AKAP11: variants seen among roughly 807,000 people sequenced by gnomAD.
AKAP11 encodes A-kinase anchoring protein 11, also known as A-kinase anchor protein 11.
A neutral mutation model predicts 146.1 loss-of-function variants in AKAP11; 36 were observed. That is an observed-to-expected ratio of 0.25 (90% CI 0.19 to 0.33). The LOEUF (loss-of-function observed/expected upper bound fraction) is 0.33. Ranked by LOEUF, AKAP11 falls within the 10% of genes least tolerant of loss-of-function variation. The pLI is 1.00. For synonymous variants in AKAP11, 780 were observed against 786.5 expected (o/e 0.99, Z 0.14); for missense variants, 2,201 against 2,197.0 (o/e 1.00, Z -0.04).
rs764106505 is a variant in AKAP11, at chr13:42,302,636, A to G, written c.3890A>G (p.Asp1297Gly). ...AGTTGTTATGCTGATGGTGACGAAG[A>G]TTATAAAGTAGAAGAGAAGTTGGAT... The part of the protein sequence containing the change: ...KNSCYADGDE[D>G]YKVEEKLDIE... The change falls in exon 8 of 13, where the codon GAT becomes GGT. Residue 1297 changes from aspartate (D) to glycine (G), a missense_variant. Physicochemically the swap from Asp to Gly is moderately conservative, Grantham distance 94 (BLOSUM62 -1). Transcript: ENST00000025301. The G allele has an allele frequency of 1.2e-6, 2 of 1,614,188 alleles. No homozygotes were observed. The highest frequency in any genetic ancestry group is 3.3e-5 in the Admixed American group (2 of 60,026).
rs118188429 is a variant in AKAP11 at position 42,290,774 on chromosome 13, A to G, written c.52-1611A>G. On this transcript the variant is annotated intron_variant, in intron 3 of 12. Transcript: ENST00000025301. ...CTTCTGTGTTTTTTGAAATTACCCT[A>G]TTAGTCTTTGAGCATTTCCTTGCAT... Among the ~76,000 whole-genome samples, 34 of 152,174 alleles carry G rather than the reference A, an allele frequency of 2.2e-4. No homozygotes were observed. In the East Asian group the frequency reaches 4.4e-3, roughly 20 times the overall value.
chr13:42,300,872 A>T lies in AKAP11; in HGVS notation c.2126A>T (p.Asp709Val), dbSNP rs1959842177. Residue 709 changes from aspartate to valine, a missense_variant, in exon 8 of 13, where the codon GAT becomes GTT. Asp to Val is a radical substitution (Grantham distance 152). Around this residue, in one of 3 missense-constraint regions of AKAP11, gnomAD observed 1,867 missense variants for 1,833.5 expected, o/e 1.02. Coordinates refer to ENST00000025301, the MANE Select transcript of AKAP11 (RefSeq NM_016248.4). ...QEAFIELSQV[D>V]VTFTTKAAVS... Reference sequence around the variant, plus strand: ...GCATTCATTGAGCTATCACAAGTTGATGTGACCTTTACAACAAAGGCAGCA... The same window carrying T: ...GCATTCATTGAGCTATCACAAGTTGTTGTGACCTTTACAACAAAGGCAGCA... The T allele has an allele frequency of 6.2e-7, 1 of 1,614,128 alleles. No homozygotes were observed. Among genetic ancestry groups the T allele is most frequent in the South Asian group, 1.1e-5 (1 of 91,080 alleles).
rs936986942 is a variant in AKAP11, at chr13:42,320,037, T to A, written c.*809T>A. 57 of 152,450 alleles carry A rather than the reference T, an allele frequency of 3.7e-4. 1 individual carries two copies. The Admixed American group carries it at 3.7e-3, about 10-fold the overall frequency. 9.4% of individuals were successfully genotyped at this position (152,450 alleles called of 1,614,324 possible). A position where few individuals can be genotyped will look rare whatever the true frequency, so the allele number is the denominator to read the frequency against. On this transcript the variant is annotated 3_prime_UTR_variant, in exon 13 of 13. Coordinates refer to ENST00000025301, the MANE Select transcript of AKAP11 (RefSeq NM_016248.4). ...AACCCACTGTTAAAATTTAAAAAGG[T>A]GCTTTAAAATAAAACGCCTATAAAG... is the stretch of plus-strand genomic sequence containing the variant.
chr13:42,279,051 T>C (rs1028275145), intron 1 of AKAP11, among the ~76,000 whole-genome samples: 3 of 152,130 alleles, frequency 2.0e-5, no homozygotes, highest in East Asian at 1.9e-4. Context: ...GTACTTTTTT[T>C]CTGGTCAATT....
chr13:42,313,056 C>T lies in AKAP11; in HGVS notation c.5283C>T (p.Asn1761=), dbSNP rs116373589. The T allele has an allele frequency of 4.2e-5, 68 of 1,612,858 alleles. No homozygotes were observed. The African/African-American group carries it at 7.7e-4, about 18-fold the overall frequency. ...SFHHLSESNG[N]SSSWSSLGLE... ...TTTCTTCCTCTGGCAGTAATGGTAA[C>T]AGCAGTAGCTGGAGCAGTCTTGGTT... Residue 1761 remains asparagine (N), a synonymous_variant, in exon 10 of 13, where the codon AAC becomes AAT. Coordinates refer to ENST00000025301, the MANE Select transcript of AKAP11 (RefSeq NM_016248.4).
intron 8 of AKAP11, among the ~76,000 whole-genome samples, chr13:42,304,923 G>A (rs556834963): frequency 6.6e-6 from 1 of 152,032 alleles, no homozygotes; most frequent in Admixed American, 6.5e-5. Context: ...GCTAATTTTT[G>A]TATTTTTAGT....
intron 1 of AKAP11, among the ~76,000 whole-genome samples, chr13:42,281,980 C>A (rs902507017): frequency 1.4e-5 from 2 of 141,484 alleles, no homozygotes; most frequent in African/African-American, 5.2e-5. Context: ...TTTTTTCTTT[C>A]TTTTTTTTTT....
At position 42,302,486 on chromosome 13, in the gene AKAP11, A is replaced by C; in HGVS notation, c.3740A>C (p.Asn1247Thr). 1 of 1,614,012 alleles carries C rather than the reference A, an allele frequency of 6.2e-7. No homozygotes were observed. Among genetic ancestry groups the C allele is most frequent in the South Asian group, 1.1e-5 (1 of 91,070 alleles). ...AGAAGTGTGTCGCCTACTTTTTTAA[A>C]CCCCTCAGACGAAAATTTGAAAACA... is the stretch of plus-strand genomic sequence containing the variant. Reference protein sequence around the residue: ...SQRSVSPTFLNPSDENLKTLC... With the variant: ...SQRSVSPTFLTPSDENLKTLC... Residue 1247 changes from asparagine (N) to threonine (T), a missense_variant, in exon 8 of 13, where the codon AAC becomes ACC. Physicochemically the swap from Asn to Thr is moderately conservative, Grantham distance 65 (BLOSUM62 0). Around this residue, in one of 3 missense-constraint regions of AKAP11, gnomAD observed 1,867 missense variants for 1,833.5 expected, o/e 1.02. Coordinates refer to ENST00000025301, the MANE Select transcript of AKAP11 (RefSeq NM_016248.4).
rs1293548860 is a variant in AKAP11, at chr13:42,321,876, C to T, written c.*2648C>T. On this transcript the variant is annotated 3_prime_UTR_variant, in exon 13 of 13. Transcript: ENST00000025301. ...ACATCGAGCTGAATTCTGTTTTTAC[C>T]AGTTTCAAAACCTTCAAGTGATATG... 6.6e-6 allele frequency: 1 copy of T among 152,154 alleles called. No homozygotes were observed. Among genetic ancestry groups the T allele is most frequent in the Non-Finnish European group, 1.5e-5 (1 of 67,976 alleles). The allele number at this position is 152,154 out of a possible 1,614,324, so 9.4% of individuals were successfully genotyped here. A position where few individuals can be genotyped will look rare whatever the true frequency, so the allele number is the denominator to read the frequency against.
chr13:42,307,977 G>A (rs1960356005), intron 8 of AKAP11, among the ~76,000 whole-genome samples: 2 of 152,178 alleles, frequency 1.3e-5, no homozygotes. Flanking sequence ...TATGATCTAT[G>A]TTCAAAATCT....
chr13:42,302,973 G>T lies in AKAP11; in HGVS notation c.4227G>T (p.Leu1409=), dbSNP rs779307098. The change falls in exon 8 of 13, where the codon CTG becomes CTT. Residue 1409 remains leucine (L), a synonymous_variant. Coordinates refer to ENST00000025301, the MANE Select transcript of AKAP11 (RefSeq NM_016248.4). Reference sequence around the variant, plus strand: ...CACAAGTGAAAACAAACAAGGAACTGTTAATGTTTTCAAACAAAGAGCACC... The same window carrying T: ...CACAAGTGAAAACAAACAAGGAACTTTTAATGTTTTCAAACAAAGAGCACC... ...PSSQVKTNKE[L]LMFSNKEHHQ... is the part of the protein sequence containing the mutation. 6.2e-7 allele frequency: 1 copy of T among 1,613,784 alleles called. No individual in the cohort carries two copies. Among genetic ancestry groups the T allele is most frequent in the Non-Finnish European group, 8.5e-7 (1 of 1,179,992 alleles).
chr13:42,273,196 G>A (rs1025508084), intron 1 of AKAP11, among the ~76,000 whole-genome samples: 2 of 152,032 alleles, frequency 1.3e-5, no homozygotes, highest in Admixed American at 1.3e-4. Context: ...ATGTCATGTC[G>A]ATTGTTATTT....
At chr13:42,305,473 C>T (rs1001624888) in intron 8 of AKAP11, among the ~76,000 whole-genome samples, 2 of 151,822 alleles carry the variant, frequency 1.3e-5, no homozygotes, top group African/African-American at 4.8e-5. Flanking sequence ...GCCAATGTGG[C>T]CTACTGGTTG....
chr13:42,274,598 C>T (rs1958869060), intron 1 of AKAP11, among the ~76,000 whole-genome samples: 2 of 150,676 alleles, frequency 1.3e-5, no homozygotes, highest in African/African-American at 2.4e-5. Flanking sequence ...GCACAAGAAT[C>T]GCTTGAGCCT....
At chr13:42,276,719 C>G (rs149263290) in intron 1 of AKAP11, among the ~76,000 whole-genome samples, 9 of 152,226 alleles carry the variant, frequency 5.9e-5, no homozygotes, top group African/African-American at 1.7e-4. Flanking sequence ...GTAATATACC[C>G]TGTTAGTTAA....
rs747540245 is a variant in AKAP11, at chr13:42,300,017, A to G, written c.1271A>G (p.Tyr424Cys). The G allele has an allele frequency of 8.7e-6, 14 of 1,613,836 alleles. No homozygotes were observed. The highest frequency in any genetic ancestry group is 1.6e-4 in the Middle Eastern group (1 of 6,084). ...ACTCCTCGTAAACCAGAATCTCCAT[A>G]TGGTAACCTGTGTGATGCTCCGGAT... ...KPTPRKPESP[Y>C]GNLCDAPDSP... Residue 424 changes from tyrosine to cysteine, a missense_variant, in exon 8 of 13, where the codon TAT becomes TGT. Around this residue, in one of 3 missense-constraint regions of AKAP11, gnomAD observed 1,867 missense variants for 1,833.5 expected, o/e 1.02. Coordinates refer to ENST00000025301, the MANE Select transcript of AKAP11 (RefSeq NM_016248.4).
At chr13:42,317,126 C>T (rs761258100) in intron 11 of AKAP11, among the ~76,000 whole-genome samples, 10 of 152,284 alleles carry the variant, frequency 6.6e-5, no homozygotes, top group South Asian at 4.1e-4. Context: ...GATCTGCCCA[C>T]GTCGGCCTCC....
intron 1 of AKAP11, among the ~76,000 whole-genome samples, chr13:42,280,173 A>G (rs1959029755): frequency 6.6e-6 from 1 of 152,128 alleles, no homozygotes; most frequent in Non-Finnish European, 1.5e-5. Context: ...CTGTCCCTGT[A>G]TTGTGACCTG....
At position 42,322,893 on chromosome 13, in the gene AKAP11, T is replaced by TG. The variant is rs1442906981; in HGVS notation, c.*3666dup. On this transcript the variant is annotated 3_prime_UTR_variant, in exon 13 of 13. Transcript: ENST00000025301. ...ACTATTTAATATCCGGTTTTAATAT[T>TG]GCTGGATTTGCTACCTTTGGTTACT... is the stretch of plus-strand genomic sequence containing the variant. 1.3e-5 allele frequency: 2 copies of TG among 152,718 alleles called. No individual in the cohort carries two copies. Among genetic ancestry groups the TG allele is most frequent in the African/African-American group, 2.4e-5 (1 of 41,454 alleles). The allele number at this position is 152,718 out of a possible 1,614,324, so 9.5% of individuals were successfully genotyped here. A position where few individuals can be genotyped will look rare whatever the true frequency, so the allele number is the denominator to read the frequency against.
Sources: gnomAD v4.1 joint callset for allele counts (sites outside exome capture counted in the v4.1 genomes callset) on GRCh38, gnomAD v4.1.1 for gene constraint, gnomAD v4.1.1 regional missense constraint, MANE v1.5 for transcripts, NCBI Gene and HGNC (gene_info 2026-07-23, HGNC 2026-07-21) for gene names.